Variants in BBS1 observed in about 807,000 individuals in gnomAD.
The protein encoded by BBS1 is BBSome complex member BBS1.
Under a neutral mutation model 73.9 loss-of-function variants are expected in BBS1, and 60 were observed. The observed-to-expected ratio is 0.81, with a 90% confidence interval of 0.66 to 1.01. The LOEUF is 1.01. BBS1 is among the 50% of genes least tolerant of loss of function. The pLI is 0.00. For missense variants in BBS1, 718 were observed against 770.3 expected, an observed-to-expected ratio of 0.93 and a Z score of 0.80; for synonymous variants, 283 against 317.4, an observed-to-expected ratio of 0.89 and a Z score of 1.15.
In BBS1 at chr11:66,531,749, C is replaced by T; in HGVS notation, c.1695+7C>T. 1 of 1,613,990 alleles carries T rather than the reference C, an allele frequency of 6.2e-7. No individual in the cohort carries two copies. Among genetic ancestry groups the T allele is most frequent in the South Asian group, 1.1e-5 (1 of 91,062 alleles). On this transcript the variant is annotated splice_region_variant and intron_variant, in intron 16 of 16. Coordinates refer to ENST00000318312, the MANE Select transcript of BBS1 (RefSeq NM_024649.5). ...CATCTCAGACATCATCAAGGTAGGCCCCGCACTTGTACCACGTGGAAGGTG... is the reference window on the plus strand; with the variant it reads ...CATCTCAGACATCATCAAGGTAGGCTCCGCACTTGTACCACGTGGAAGGTG...
intron 7 of BBS1, 98 bp downstream of exon 7, chr11:66,516,031 C>T: frequency 8.3e-7 from 1 of 1,209,816 alleles, no homozygotes; most frequent in Admixed American, 1.8e-5. Context: ...CAAACCCAAC[C>T]AGTATCTCTT....
chr11:66,527,002 A>G, intron 13 of BBS1, 195 bp downstream of exon 13: 2 of 1,538,058 alleles, frequency 1.3e-6, no homozygotes, highest in African/African-American at 1.4e-5. Flanking sequence ...TCAGGCTGGA[A>G]GGTGCTGTGG....
intron 9 of BBS1, chr11:66,522,879 C>T (rs1390099579): frequency 3.0e-5 from 10 of 336,868 alleles, no homozygotes; most frequent in South Asian, 2.1e-4. Flanking sequence ...ATCAGGAACA[C>T]CTCTCTGTGG....
In BBS1 at chr11:66,514,430, G is replaced by C. The variant is rs763878620; in HGVS notation, c.184G>C (p.Gly62Arg). The C allele has an allele frequency of 3.1e-6, 5 of 1,614,004 alleles. No homozygotes were observed. The highest frequency in any genetic ancestry group is 2.2e-5 in the South Asian group (2 of 91,082). ...GCTGGTGGTAGGGGACCTTGGCCCT[G>C]GTGGGCAGCAGCCCCGCCTGAAGGT... ...YKLVVGDLGP[G>R]GQQPRLKVLK... The change falls in exon 4 of 17, where the codon GGT (glycine) becomes CGT (arginine). Residue 62 changes from glycine (G) to arginine (R), a missense_variant. By Grantham distance (125) the Gly-to-Arg change is moderately radical (BLOSUM62 -2). Coordinates refer to ENST00000318312, the MANE Select transcript of BBS1 (RefSeq NM_024649.5).
Position 66,533,560 on chromosome 11 carries a change from A to G in BBS1, c.*1523A>G, listed in dbSNP as rs1856865880. 1 of 152,256 alleles carries G rather than the reference A, an allele frequency of 6.6e-6. No individual in the cohort carries two copies. Among genetic ancestry groups the G allele is most frequent in the Admixed American group, 6.5e-5 (1 of 15,280 alleles). 9.4% of individuals were successfully genotyped at this position (152,256 alleles called of 1,614,324 possible). On this transcript the variant is annotated 3_prime_UTR_variant, in exon 17 of 17. Transcript: ENST00000318312. ...ATTACTATGTGAAAGTTAACTGCGG[A>G]GCCAAGAGTTGGACTATAATTAAAT...
Position 66,515,940 on chromosome 11 carries a change from C to T in BBS1, c.591+7C>T. 2.5e-6 allele frequency: 4 copies of T among 1,613,788 alleles called. No homozygotes were observed. Among genetic ancestry groups the T allele is most frequent in the Non-Finnish European group, 3.4e-6 (4 of 1,179,792 alleles). On this transcript the variant is annotated splice_region_variant and intron_variant, in intron 7 of 16. Transcript: ENST00000318312. ...CAACTCCATCAAGCGGCAGGTAATACCCCCTTCTCTTTTTATTTCCCTGTA... is the reference window on the plus strand; with the variant it reads ...CAACTCCATCAAGCGGCAGGTAATATCCCCTTCTCTTTTTATTTCCCTGTA...
intron 13 of BBS1, chr11:66,529,149 G>C (rs889726705): frequency 2.0e-6 from 2 of 984,138 alleles, no homozygotes; most frequent in African/African-American, 3.5e-5. Flanking sequence ...AGCCAGCCTG[G>C]GGGACCGAGG....
At chr11:66,515,234 C>T (rs1320291338) in intron 4 of BBS1, among the ~76,000 whole-genome samples, 1 of 152,150 alleles carries the variant, frequency 6.6e-6, no homozygotes, top group Non-Finnish European at 1.5e-5. Flanking sequence ...GCACTAGCCA[C>T]ATCCCTGCCC....
Position 66,514,710 on chromosome 11 carries a change from A to G in BBS1, c.432+32A>G, listed in dbSNP as rs752143756. ...AAATAACATGGGAGTTGGGAACCAG[A>G]AGGCAAAGATGGCAGCCACTGGGTG... On this transcript the variant is annotated intron_variant, in intron 4 of 16. Coordinates refer to ENST00000318312, the MANE Select transcript of BBS1 (RefSeq NM_024649.5). 48 of 1,604,820 alleles carry G rather than the reference A, an allele frequency of 3.0e-5. No individual in the cohort carries two copies. In the Admixed American group the frequency reaches 8.0e-4, roughly 27 times the overall value.
rs1856755182 is a variant in BBS1, at chr11:66,530,975, G to A, written c.1555G>A (p.Val519Ile). ...AACCCGTCCTGTCCTGGGGCTGCTG[G>A]TCTGCTTCCTGTACAACGAGGCGCT... The part of the protein sequence containing the change: ...STTRPVLGLL[V>I]CFLYNEALYS... The change falls in exon 15 of 17, where the codon GTC becomes ATC. Residue 519 changes from valine to isoleucine, a missense_variant. Physicochemically the swap from Val to Ile is conservative, Grantham distance 29. Coordinates refer to ENST00000318312, the MANE Select transcript of BBS1 (RefSeq NM_024649.5). 1 of 1,614,232 alleles carries A rather than the reference G, an allele frequency of 6.2e-7. No individual in the cohort carries two copies. The highest frequency in any genetic ancestry group is 2.2e-5 in the East Asian group (1 of 44,882).
chr11:66,519,929 A>G, intron 8 of BBS1, 181 bp downstream of exon 8: 1 of 651,342 alleles, frequency 1.5e-6, no homozygotes, highest in South Asian at 1.8e-5. Context: ...GTTAAAGTTG[A>G]GGCATAGGTC....
rs562843545 is a variant in BBS1, at chr11:66,518,619, C to T, written c.592-998C>T. On this transcript the variant is annotated intron_variant, in intron 7 of 16. Transcript: ENST00000318312. Reference sequence around the variant, plus strand: ...TAGCTGGGATTACAGGTGCATGCCACCATGCCTGGCTAATTTTCATATTTT... The same window carrying T: ...TAGCTGGGATTACAGGTGCATGCCATCATGCCTGGCTAATTTTCATATTTT... Among the ~76,000 whole-genome samples the T allele has an allele frequency of 2.3e-4, 34 of 150,934 alleles. 1 individual carries two copies. In the South Asian group the frequency reaches 6.7e-3, roughly 30 times the overall value.
intron 9 of BBS1, chr11:66,522,710 G>A: frequency 5.5e-6 from 1 of 181,988 alleles, no homozygotes; most frequent in Non-Finnish European, 1.2e-5. Flanking sequence ...TGCAGTGTGT[G>A]GTATTAGGGA....
chr11:66,525,416 ATT>A (rs113628331), intron 11 of BBS1, among the ~76,000 whole-genome samples: 32,160 of 151,864 alleles, frequency 0.21, 3,827 homozygotes, highest in East Asian at 0.27. Flanking sequence ...AAATAGAAAA[ATT>A]AGCCAAGCAT....
At chr11:66,517,465 T>G (rs1856074439) in intron 7 of BBS1, among the ~76,000 whole-genome samples, 2 of 151,308 alleles carry the variant, frequency 1.3e-5, no homozygotes, top group Non-Finnish European at 2.9e-5. Context: ...TTGAAATTTT[T>G]GTCCTTTTTT....
At position 66,514,404 on chromosome 11, in the gene BBS1, A is replaced by G; in HGVS notation, c.160-2A>G. 1 of 1,614,092 alleles carries G rather than the reference A, an allele frequency of 6.2e-7. No individual in the cohort carries two copies. The highest frequency in any genetic ancestry group is 8.5e-7 in the Non-Finnish European group (1 of 1,180,044). On this transcript the variant is annotated splice_acceptor_variant, in intron 3 of 16. Transcript: ENST00000318312. LOFTEE classifies it high-confidence loss of function. ...CTAGAATGAGCCATCCTCTCCCTGC[A>G]GCTGGTGGTAGGGGACCTTGGCCCT...
Position 66,526,635 on chromosome 11 carries a change from G to A in BBS1, c.1181-14G>A, listed in dbSNP as rs747049051. On this transcript the variant is annotated splice_polypyrimidine_tract_variant and intron_variant, in intron 12 of 16. Coordinates refer to ENST00000318312, the MANE Select transcript of BBS1 (RefSeq NM_024649.5). Reference sequence around the variant, plus strand: ...TGGGGAGGACAAATCCATTTCCACTGTCCACTTCCCTAGGTGGTGGCCTGA... The same window carrying A: ...TGGGGAGGACAAATCCATTTCCACTATCCACTTCCCTAGGTGGTGGCCTGA... 6.2e-7 allele frequency: 1 copy of A among 1,614,200 alleles called. No homozygotes were observed. The highest frequency in any genetic ancestry group is 1.7e-5 in the Admixed American group (1 of 60,020).
chr11:66,510,731 T>C, intron 1 of BBS1, 25 bp downstream of exon 1: 1 of 1,613,868 alleles, frequency 6.2e-7, no homozygotes, highest in South Asian at 1.1e-5. Flanking sequence ...CCTCAAGGCC[T>C]CTTTTCCCAC....
chr11:66,529,315 G>A (rs566524075), intron 13 of BBS1: 2 of 1,536,280 alleles, frequency 1.3e-6, no homozygotes, highest in South Asian at 2.4e-5. Context: ...GCAGGACCAT[G>A]AGGCTGGTTT....
Sources: gnomAD v4.1 joint callset for allele counts (sites outside exome capture counted in the v4.1 genomes callset) on GRCh38, gnomAD v4.1.1 for gene constraint, MANE v1.5 for transcripts, NCBI Gene and HGNC (gene_info 2026-07-23, HGNC 2026-07-21) for gene names.